Variants in FBN1 observed in about 807,000 individuals in gnomAD.
FBN1 encodes fibrillin-1.
A neutral mutation model predicts 365.1 loss-of-function variants in FBN1; 29 were observed. That is an observed-to-expected ratio of 0.08 (90% confidence interval 0.06 to 0.11). The LOEUF (loss-of-function observed/expected upper bound fraction) is 0.11. Ranked by LOEUF, FBN1 falls within the 10% of genes least tolerant of loss-of-function variation. The pLI, the probability that FBN1 is intolerant of heterozygous loss-of-function variation, is 1.00. For synonymous variants in FBN1, 1,210 were observed against 1,270.5 expected (o/e 0.95, Z 1.01); for missense variants, 2,476 against 3,703.2 (o/e 0.67, Z 8.60).
In FBN1 at chr15:48,515,428, C is replaced by T. The variant is rs2043792070; in HGVS notation, c.1427G>A (p.Cys476Tyr). 1 of 1,614,018 alleles carries T rather than the reference C, an allele frequency of 6.2e-7. No individual in the cohort carries two copies. The highest frequency in any genetic ancestry group is 2.2e-5 in the East Asian group (1 of 44,882). The change falls in exon 12 of 66, where the codon TGC (cysteine) becomes TAC (tyrosine). Residue 476 changes from cysteine (C) to tyrosine (Y), a missense_variant. Physicochemically the swap from Cys to Tyr is radical, Grantham distance 194. Transcript: ENST00000316623. The part of the protein sequence containing the change: ...IPTPGSYRCE[C>Y]NKGFQLDLRG... ...GAGGTCCAGCTGGAACCCTTTGTTG[C>T]ACTCACACCGGTAACTCCCAGGAGT...
chr15:48,590,188 AAAT>A (rs1484705123), intron 6 of FBN1, among the ~76,000 whole-genome samples: 1 of 152,208 alleles, frequency 6.6e-6, no homozygotes, highest in Non-Finnish European at 1.5e-5. Context: ...CATAGAGAAA[AAAT>A]AATAATGAAT....
intron 51 of FBN1, 71 bp from the exon 52 acceptor site, chr15:48,437,458 A>T: frequency 7.5e-7 from 1 of 1,337,464 alleles, no homozygotes; most frequent in East Asian, 2.3e-5. Context: ...AAGTATTTTG[A>T]GGTAGAAAAT....
chr15:48,557,370 T>A (rs2044189526), intron 6 of FBN1, among the ~76,000 whole-genome samples: 1 of 152,196 alleles, frequency 6.6e-6, no homozygotes, highest in Non-Finnish European at 1.5e-5. Flanking sequence ...CTAAATCATG[T>A]TACTACTCTG....
intron 6 of FBN1, among the ~76,000 whole-genome samples, chr15:48,568,049 G>GAAAGAAGA (rs369157930): frequency 0.016 from 644 of 39,966 alleles, 2 homozygotes; most frequent in Middle Eastern, 0.031. Flanking sequence ...AAGAAAGAAA[G>GAAAGAAGA]AAGAAAGAAA....
chr15:48,530,495 CG>C (rs990791901), intron 8 of FBN1, among the ~76,000 whole-genome samples: 1 of 152,020 alleles, frequency 6.6e-6, no homozygotes, highest in African/African-American at 2.4e-5. Flanking sequence ...GACTTGACCA[CG>C]GGGCATCAAG....
intron 2 of FBN1, chr15:48,642,471 G>C (rs1014236502): frequency 1.3e-5 from 2 of 152,066 alleles, no homozygotes; most frequent in African/African-American, 4.8e-5. Context: ...TCAGAATATT[G>C]CATGTACAAT....
chr15:48,599,632 T>C (rs753469300), intron 5 of FBN1, among the ~76,000 whole-genome samples: 2 of 152,010 alleles, frequency 1.3e-5, no homozygotes, highest in African/African-American at 2.4e-5. Flanking sequence ...TGTGTGCAAA[T>C]GAACCTTCAA....
At chr15:48,570,220 C>T (rs1472733605) in intron 6 of FBN1, among the ~76,000 whole-genome samples, 1 of 152,088 alleles carries the variant, frequency 6.6e-6, no homozygotes, top group African/African-American at 2.4e-5. Context: ...TCATATTTTT[C>T]CTGTTTTTTA....
intron 13 of FBN1, among the ~76,000 whole-genome samples, chr15:48,512,593 A>G (rs1174070213): frequency 6.6e-6 from 1 of 152,072 alleles, no homozygotes; most frequent in Non-Finnish European, 1.5e-5. Context: ...TTCTGTTCCT[A>G]TGTTAGTTTA....
At chr15:48,440,822 A>T (rs2043106641) in intron 50 of FBN1, among the ~76,000 whole-genome samples, 1 of 151,642 alleles carries the variant, frequency 6.6e-6, no homozygotes, top group Non-Finnish European at 1.5e-5. Flanking sequence ...GGGACCCCAA[A>T]CTCAATTTTT....
At chr15:48,628,119 G>A (rs867119953) in intron 2 of FBN1, among the ~76,000 whole-genome samples, 1 of 152,118 alleles carries the variant, frequency 6.6e-6, no homozygotes, top group South Asian at 2.1e-4. Flanking sequence ...TGAAACACAC[G>A]GGTGATGTGC....
Position 48,495,154 on chromosome 15 carries a change from C to A in FBN1, c.2646G>T (p.Ala882=). 6.2e-7 allele frequency: 1 copy of A among 1,614,116 alleles called. No individual in the cohort carries two copies. Among genetic ancestry groups the A allele is most frequent in the Non-Finnish European group, 8.5e-7 (1 of 1,180,012 alleles). The change falls in exon 22 of 66, where the codon GCG becomes GCT. Residue 882 remains alanine, a synonymous_variant. Transcript: ENST00000316623. ...KSQCCSSLGA[A]WGSPCTLCQV... The stretch of plus-strand genomic sequence containing the variant: ...GGCATAGGGTGCACGGGCTTCCCCA[C>A]GCAGCACCGAGGGAGGAGCAGCACT...
At chr15:48,634,005 T>C (rs625034) in intron 2 of FBN1, among the ~76,000 whole-genome samples, 11,415 of 152,282 alleles carry the variant, frequency 0.075, 485 homozygotes, top group Middle Eastern at 0.16. Flanking sequence ...ATTTATAATA[T>C]GAATTTTTCT....
intron 17 of FBN1, among the ~76,000 whole-genome samples, chr15:48,499,356 C>T (rs1429862148): frequency 1.3e-5 from 2 of 152,188 alleles, no homozygotes; most frequent in Non-Finnish European, 2.9e-5. Flanking sequence ...GTGAAATGTG[C>T]CTGTTAAAAT....
At chr15:48,444,718 C>T (rs2043140744) in intron 48 of FBN1, 58 bp from the exon 49 acceptor site, 6 of 1,595,854 alleles carry the variant, frequency 3.8e-6, no homozygotes, top group South Asian at 2.2e-5. Flanking sequence ...TTCCATCAAA[C>T]AATTAAAATT....
At chr15:48,443,019 T>C (rs1397720604) in intron 49 of FBN1, among the ~76,000 whole-genome samples, 2 of 152,202 alleles carry the variant, frequency 1.3e-5, no homozygotes, top group Non-Finnish European at 2.9e-5. Flanking sequence ...AGTTGAGAAA[T>C]TAACCTTATT....
At position 48,496,149 on chromosome 15, in the gene FBN1, A is replaced by G; in HGVS notation, c.2370T>C (p.Cys790=). The G allele has an allele frequency of 6.2e-7, 1 of 1,613,856 alleles. No individual in the cohort carries two copies. Among genetic ancestry groups the G allele is most frequent in the South Asian group, 1.1e-5 (1 of 91,078 alleles). ...QCRNTPGSFV[C]TCPKGFIYKP... Reference sequence around the variant, plus strand: ...TGTAGATAAATCCCTTGGGGCAGGTACAGACAAAACTTCCAGGAGTATTTC... The same window carrying G: ...TGTAGATAAATCCCTTGGGGCAGGTGCAGACAAAACTTCCAGGAGTATTTC... Residue 790 remains cysteine, a synonymous_variant, in exon 20 of 66, where the codon TGT becomes TGC. Transcript: ENST00000316623.
At chr15:48,486,394 T>C (rs2043507086) in intron 29 of FBN1, among the ~76,000 whole-genome samples, 1 of 152,178 alleles carries the variant, frequency 6.6e-6, no homozygotes, top group Non-Finnish European at 1.5e-5. Context: ...AGGCAAAAAC[T>C]GGCAGTTTCT....
intron 3 of FBN1, 33 bp from the exon 4 acceptor site, chr15:48,610,859 G>A: frequency 5.7e-6 from 9 of 1,569,574 alleles, no homozygotes; most frequent in Non-Finnish European, 7.9e-6. Flanking sequence ...TTAGCACATG[G>A]ATTTGGAACA....
Sources: allele counts gnomAD v4.1 joint callset (sites outside exome capture counted in the v4.1 genomes callset), GRCh38; gene constraint gnomAD v4.1.1; transcripts MANE v1.5; gene names NCBI Gene and HGNC (gene_info 2026-07-23, HGNC 2026-07-21).